The following CD55 variants were observed in gnomAD, a reference collection of about 807,000 sequenced individuals.
CD55 encodes the protein complement decay-accelerating factor.
In CD55, 41 loss-of-function variants were observed where a neutral mutation model predicts 45.8. The ratio of observed to expected loss-of-function variants is 0.90; its 90% CI spans 0.70 to 1.16. The LOEUF (loss-of-function observed/expected upper bound fraction) is 1.16, where lower values mean the gene tolerates loss of function less well. Ranked by LOEUF, CD55 falls within the 50% of genes most tolerant of loss-of-function variation. CD55 has a pLI of 0.00. For missense variants in CD55, 416 were observed against 469.8 expected (o/e 0.89, Z 1.06); for synonymous variants, 181 against 181.1 (o/e 1.00, Z 0.01).
intron 2 of CD55, among the ~76,000 whole-genome samples, chr1:207,323,807 C>T (rs185319687): frequency 6.6e-6 from 1 of 152,220 alleles, no homozygotes; most frequent in Non-Finnish European, 1.5e-5. Context: ...ATTACTTTAT[C>T]CAATCCTCCA....
At chr1:207,329,855 GC>G (rs1654862053) in intron 5 of CD55, among the ~76,000 whole-genome samples, 1 of 151,936 alleles carries the variant, frequency 6.6e-6, no homozygotes, top group South Asian at 2.1e-4. Context: ...CAAGCAGTCT[GC>G]CCGCCTCAGC....
At chr1:207,342,969 C>T (rs1655488301) in intron 9 of CD55, among the ~76,000 whole-genome samples, 1 of 152,038 alleles carries the variant, frequency 6.6e-6, no homozygotes, top group Admixed American at 6.6e-5. Flanking sequence ...TCTAGGTTTT[C>T]CAGTTTGTCA....
At position 207,360,324 on chromosome 1, in the gene CD55, T is replaced by G. The variant is rs1447336269; in HGVS notation, c.*714T>G. ...AACATAAGAAAAGATTATATATTAT[T>G]TCTGAATCGAGATGTCCATAGTCAA... On this transcript the variant is annotated 3_prime_UTR_variant, in exon 10 of 10. Coordinates refer to ENST00000367064, the MANE Select transcript of CD55 (RefSeq NM_000574.5). 1 of 152,210 alleles carries G rather than the reference T, an allele frequency of 6.6e-6. No homozygotes were observed. Among genetic ancestry groups the G allele is most frequent in the African/African-American group, 2.4e-5 (1 of 41,462 alleles). 9.4% of individuals were successfully genotyped at this position (152,210 alleles called of 1,614,324 possible).
chr1:207,354,178 G>A, intron 9 of CD55: 1 of 1,333,010 alleles, frequency 7.5e-7, no homozygotes, highest in Non-Finnish European at 9.7e-7. Flanking sequence ...TCTGTCTAAT[G>A]TAAATTTTGT....
intron 9 of CD55, among the ~76,000 whole-genome samples, chr1:207,341,084 T>C (rs1051212636): frequency 2.6e-5 from 4 of 152,176 alleles, no homozygotes; most frequent in Non-Finnish European, 5.9e-5. Context: ...GAGAAATGTC[T>C]GTTCATGTCT....
intron 5 of CD55, among the ~76,000 whole-genome samples, chr1:207,330,760 A>G (rs890273637): frequency 6.6e-6 from 1 of 152,198 alleles, no homozygotes; most frequent in Admixed American, 6.5e-5. Context: ...TTCTCTGACT[A>G]CACTGCTTTC....
intron 5 of CD55, among the ~76,000 whole-genome samples, chr1:207,328,397 G>A (rs1459808307): frequency 6.6e-6 from 1 of 152,194 alleles, no homozygotes; most frequent in Non-Finnish European, 1.5e-5. Flanking sequence ...TGAATGGAAA[G>A]TGAATTCTTA....
rs1483882735 is a variant in CD55 at position 207,360,507 on chromosome 1, G to A, written c.*897G>A. 1.3e-5 allele frequency: 2 copies of A among 152,106 alleles called. No homozygotes were observed. The highest frequency in any genetic ancestry group is 2.9e-5 in the Non-Finnish European group (2 of 67,996). The allele number at this position is 152,106 out of a possible 1,614,324, so 9.4% of individuals were successfully genotyped here. ...AAATGATCCCATTTTTTGGTATCAT[G>A]TAGTATGTGAAATTTATTCTTAAAC... On this transcript the variant is annotated 3_prime_UTR_variant, in exon 10 of 10. Coordinates refer to ENST00000367064, the MANE Select transcript of CD55 (RefSeq NM_000574.5).
intron 9 of CD55, among the ~76,000 whole-genome samples, chr1:207,355,830 A>G (rs1158311745): frequency 6.6e-6 from 1 of 152,240 alleles, no homozygotes. Flanking sequence ...TGAATGCTCA[A>G]CGATCAAAAC....
rs56253023 is a variant in CD55 at position 207,359,536 on chromosome 1, T to TTTTC, written c.1082-10_1082-9insTTTC. The TTTTC allele has an allele frequency of 2.3e-5, 36 of 1,542,074 alleles. 1 individual carries two copies. Among genetic ancestry groups the TTTTC allele is most frequent in the Middle Eastern group, 3.4e-4 (2 of 5,802 alleles). ...TTTAACTTTTTTTTTTTTTTTTTTT[T>TTTTC]AATTTTCAGGGCACACGTGTTTCAC... On this transcript the variant is annotated splice_polypyrimidine_tract_variant and intron_variant, in intron 9 of 9. Coordinates refer to ENST00000367064, the MANE Select transcript of CD55 (RefSeq NM_000574.5).
chr1:207,326,726 T>C, intron 4 of CD55, 26 bp from the exon 5 acceptor site: 1 of 1,562,494 alleles, frequency 6.4e-7, no homozygotes, highest in South Asian at 1.1e-5. Flanking sequence ...TGTAACAAAC[T>C]CTTTTTTCTT....
At chr1:207,340,685 T>C in intron 9 of CD55, 1 of 573,350 alleles carries the variant, frequency 1.7e-6, no homozygotes, top group Non-Finnish European at 3.1e-6. Context: ...TCTTTATCCA[T>C]TTGTACATTG....
At chr1:207,334,136 G>A (rs1507758) in intron 6 of CD55, among the ~76,000 whole-genome samples, 5 of 151,896 alleles carry the variant, frequency 3.3e-5, no homozygotes, top group African/African-American at 1.2e-4. Context: ...AAAACCACTC[G>A]TAGCAAAAAC....
intron 2 of CD55, among the ~76,000 whole-genome samples, chr1:207,322,814 C>T (rs1278320250): frequency 6.6e-6 from 1 of 152,104 alleles, no homozygotes; most frequent in Non-Finnish European, 1.5e-5. Context: ...AGAAAATAAA[C>T]AATAGGTATT....
intron 9 of CD55, chr1:207,347,150 G>A (rs1421139911): frequency 2.2e-6 from 1 of 456,270 alleles, no homozygotes; most frequent in African/African-American, 2.0e-5. Context: ...CCATGGAAGA[G>A]GAGAAGACCA....
rs537602579 is a variant in CD55 at position 207,325,826 on chromosome 1, A to G, written c.578+105A>G. 14 of 612,668 alleles carry G rather than the reference A, an allele frequency of 2.3e-5. No homozygotes were observed. In the Admixed American group the frequency reaches 3.5e-4, roughly 15 times the overall value. 38.0% of individuals were successfully genotyped at this position (612,668 alleles called of 1,614,324 possible). A position where few individuals can be genotyped will look rare whatever the true frequency, so the allele number is the denominator to read the frequency against. Reference sequence around the variant, plus strand: ...TGACTGGTATTCACAGCTAGTAGCAATTAAAACAATCCCTCTCCTCAAAGA... The same window carrying G: ...TGACTGGTATTCACAGCTAGTAGCAGTTAAAACAATCCCTCTCCTCAAAGA... On this transcript the variant is annotated intron_variant, in intron 4 of 9. Coordinates refer to ENST00000367064, the MANE Select transcript of CD55 (RefSeq NM_000574.5).
intron 9 of CD55, among the ~76,000 whole-genome samples, chr1:207,351,604 A>G (rs1050579426): frequency 1.3e-5 from 2 of 152,208 alleles, no homozygotes; most frequent in Non-Finnish European, 2.9e-5. Flanking sequence ...TATATTTTGA[A>G]TGAACTTCTA....
At chr1:207,340,635 G>A in intron 9 of CD55, 1 of 662,334 alleles carries the variant, frequency 1.5e-6, no homozygotes. Flanking sequence ...CCAAAACGTT[G>A]CGATTATAAG....
rs548418557 is a variant in CD55, at chr1:207,345,456, A to G, written c.1081+6039A>G. Reference sequence around the variant, plus strand: ...TTTTTTTGATAAACATCTCATTAATATCCTGAATTGTTTTTCTGATTTCTT... The same window carrying G: ...TTTTTTTGATAAACATCTCATTAATGTCCTGAATTGTTTTTCTGATTTCTT... On this transcript the variant is annotated intron_variant, in intron 9 of 9. Transcript: ENST00000367064. Among the ~76,000 whole-genome samples, 6 of 152,170 alleles carry G rather than the reference A, an allele frequency of 3.9e-5. No individual in the cohort carries two copies. The South Asian group carries it at 1.2e-3, about 32-fold the overall frequency.
Sources: gnomAD v4.1 joint callset for allele counts (sites outside exome capture counted in the v4.1 genomes callset) on GRCh38, gnomAD v4.1.1 for gene constraint, MANE v1.5 for transcripts, NCBI Gene and HGNC (gene_info 2026-07-23, HGNC 2026-07-21) for gene names.